ADARB1: variants seen among roughly 807,000 people sequenced by gnomAD.
ADARB1 encodes adenosine deaminase RNA specific B1, also known as double-stranded RNA-specific editase 1.
Under a neutral mutation model 52.4 loss-of-function variants are expected in ADARB1, and 10 were observed. The ratio of observed to expected loss-of-function variants is 0.19; its 90% CI spans 0.12 to 0.32. The LOEUF is 0.32. ADARB1 is among the 10% of genes least tolerant of loss of function. The pLI is 1.00. For synonymous variants in ADARB1, 349 were observed against 371.1 expected, an observed-to-expected ratio of 0.94 and a Z score of 0.68; for missense variants, 643 against 922.3, an observed-to-expected ratio of 0.70 and a Z score of 3.92.
chr21:45,151,051 C>T (rs2090259842), intron 2 of ADARB1, among the ~76,000 whole-genome samples: 1 of 152,164 alleles, frequency 6.6e-6, no homozygotes, highest in South Asian at 2.1e-4. Context: ...TGCAGCCAAC[C>T]AGCAGAACAA....
chr21:45,223,312 G>A lies in ADARB1; in HGVS notation c.*1115G>A, dbSNP rs2092997174. On this transcript the variant is annotated 3_prime_UTR_variant, in exon 11 of 11. Transcript: ENST00000348831. ...GAGCTGGTGAGACCACGTGCTGCTG[G>A]CGTAGTGTAGGCCAGACATTGACAG... The A allele has an allele frequency of 1.0e-6, 1 of 985,366 alleles. No homozygotes were observed. Among genetic ancestry groups the A allele is most frequent in the Non-Finnish European group, 1.2e-6 (1 of 829,954 alleles). 61.0% of individuals were successfully genotyped at this position (985,366 alleles called of 1,614,324 possible). A position where few individuals can be genotyped will look rare whatever the true frequency, so the allele number is the denominator to read the frequency against.
chr21:45,140,197 C>T (rs893422988), intron 2 of ADARB1, among the ~76,000 whole-genome samples: 8 of 152,072 alleles, frequency 5.3e-5, no homozygotes, highest in Admixed American at 5.2e-4. Context: ...CCCACCTCAA[C>T]CCAGCCAAAA....
rs2093042444 is a variant in ADARB1 at position 45,225,218 on chromosome 21, T to C, written c.*3021T>C. On this transcript the variant is annotated 3_prime_UTR_variant, in exon 11 of 11. Transcript: ENST00000348831. ...AGGTGGGGCGGTGTGTTCTGTGCCA[T>C]GAGGCAGCGACAGGTCCAGATGGAT... is the stretch of plus-strand genomic sequence containing the variant. 9.2e-7 allele frequency: 1 copy of C among 1,081,388 alleles called. No homozygotes were observed. The highest frequency in any genetic ancestry group is 1.1e-6 in the Non-Finnish European group (1 of 893,040). 67.0% of individuals were successfully genotyped at this position (1,081,388 alleles called of 1,614,324 possible).
chr21:45,222,613 A>G lies in ADARB1; in HGVS notation c.*416A>G. 1 of 999,944 alleles carries G rather than the reference A, an allele frequency of 1.0e-6. No homozygotes were observed. The highest frequency in any genetic ancestry group is 1.2e-6 in the Non-Finnish European group (1 of 839,896). 61.9% of individuals were successfully genotyped at this position (999,944 alleles called of 1,614,324 possible). A position where few individuals can be genotyped will look rare whatever the true frequency, so the allele number is the denominator to read the frequency against. On this transcript the variant is annotated 3_prime_UTR_variant, in exon 11 of 11. Coordinates refer to ENST00000348831, the MANE Select transcript of ADARB1 (RefSeq NM_001112.4). ...GAATGTGGTTTATAAAATAGGAAGT[A>G]ATTGTGTCAGGTCACTTTTATGCCA...
Position 45,222,153 on chromosome 21 carries a change from G to A in ADARB1, c.2062G>A (p.Val688Met), listed in dbSNP as rs1340839583. The change falls in exon 11 of 11, where the codon GTG (valine) becomes ATG (methionine). Residue 688 changes from valine (V) to methionine (M), a missense_variant. Val to Met is a conservative substitution (Grantham distance 21). Coordinates refer to ENST00000348831, the MANE Select transcript of ADARB1 (RefSeq NM_001112.4). ...CATCAAGGCGGGGCTGGGGGCCTGGGTGGAGAAGCCCACCGAGCAGGACCA... is the reference window on the plus strand; with the variant it reads ...CATCAAGGCGGGGCTGGGGGCCTGGATGGAGAAGCCCACCGAGCAGGACCA... ...AFIKAGLGAW[V>M]EKPTEQDQFS... The A allele has an allele frequency of 1.9e-6, 3 of 1,606,746 alleles. No homozygotes were observed. The highest frequency in any genetic ancestry group is 1.1e-5 in the South Asian group (1 of 89,994).
intron 8 of ADARB1, among the ~76,000 whole-genome samples, chr21:45,198,518 C>CAT (rs2092477519): frequency 1.3e-5 from 2 of 151,510 alleles, no homozygotes; most frequent in South Asian, 4.2e-4. Context: ...CACACACACA[C>CAT]ACATACACAC....
rs773715521 is a variant in ADARB1, at chr21:45,222,757, G to A, written c.*560G>A. ...GTCTAAACTTAGGTCTCTTTTCTCC[G>A]TAGGTACCTCCCTGGGTAGTTCCAC... is the stretch of plus-strand genomic sequence containing the variant. On this transcript the variant is annotated 3_prime_UTR_variant, in exon 11 of 11. Coordinates refer to ENST00000348831, the MANE Select transcript of ADARB1 (RefSeq NM_001112.4). 556 of 985,884 alleles carry A rather than the reference G, an allele frequency of 5.6e-4. No individual in the cohort carries two copies. Among genetic ancestry groups the A allele is most frequent in the Non-Finnish European group, 6.4e-4 (532 of 830,408 alleles). The allele number at this position is 985,884 out of a possible 1,614,324, so 61.1% of individuals were successfully genotyped here. A position where few individuals can be genotyped will look rare whatever the true frequency, so the allele number is the denominator to read the frequency against.
intron 9 of ADARB1, among the ~76,000 whole-genome samples, chr21:45,206,924 CT>C (rs774748319): frequency 3.9e-5 from 6 of 152,196 alleles, no homozygotes; most frequent in Non-Finnish European, 7.3e-5. Context: ...AACCCCTCCC[CT>C]GGTCCCCGCT....
Position 45,204,330 on chromosome 21 carries a change from G to A in ADARB1, c.1566-225G>A, listed in dbSNP as rs116051069. Among the ~76,000 whole-genome samples, 5 of 152,304 alleles carry A rather than the reference G, an allele frequency of 3.3e-5. No homozygotes were observed. Among genetic ancestry groups the A allele is most frequent in the South Asian group, 2.1e-4 (1 of 4,826 alleles). On this transcript the variant is annotated intron_variant, in intron 8 of 10. Coordinates refer to ENST00000348831, the MANE Select transcript of ADARB1 (RefSeq NM_001112.4). The surrounding 1 kb of genome is among the most constrained non-coding windows in gnomAD (Gnocchi z 4.4). ...TGTGGCTCATTGATTGTGGGAAAAC[G>A]TAATGGTAAAAACAAACACAGTGTA... is the stretch of plus-strand genomic sequence containing the variant.
intron 2 of ADARB1, among the ~76,000 whole-genome samples, chr21:45,156,675 G>A (rs941338027): frequency 1.3e-5 from 2 of 151,626 alleles, no homozygotes; most frequent in Non-Finnish European, 2.9e-5. Context: ...ACCCCCCCAC[G>A]CACCCACTTC....
chr21:45,078,929 A>G (rs546005207), intron 1 of ADARB1, among the ~76,000 whole-genome samples: 3 of 152,212 alleles, frequency 2.0e-5, no homozygotes, highest in South Asian at 2.1e-4. Context: ...TACAGGGGGG[A>G]ATACCTAGGC....
intron 8 of ADARB1, among the ~76,000 whole-genome samples, chr21:45,190,919 G>C (rs2092264282): frequency 6.6e-6 from 1 of 152,218 alleles, no homozygotes; most frequent in Non-Finnish European, 1.5e-5. Context: ...GCTATTTAGG[G>C]AAAGGGGAAC....
rs767179075 is a variant in ADARB1 at position 45,178,595 on chromosome 21, A to C, written c.964-1735A>C. 7.2e-4 allele frequency among the ~76,000 whole-genome samples: 110 copies of C among 152,240 alleles called. No individual in the cohort carries two copies. The Middle Eastern group carries it at 0.014, about 19-fold the overall frequency. On this transcript the variant is annotated intron_variant, in intron 4 of 10. Transcript: ENST00000348831. ...TTGTTGGTGGGCTCTATTGTCCTTC[A>C]ACAGGAAATTTCCAAATGTGCATTC...
intron 1 of ADARB1, among the ~76,000 whole-genome samples, chr21:45,124,178 G>A (rs541500707): frequency 6.6e-6 from 1 of 152,258 alleles, no homozygotes; most frequent in South Asian, 2.1e-4. Context: ...ATCACATTTT[G>A]TATACGATGT....
chr21:45,107,681 C>G (rs1296381761), intron 1 of ADARB1, among the ~76,000 whole-genome samples: 2 of 152,064 alleles, frequency 1.3e-5, no homozygotes, highest in Non-Finnish European at 2.9e-5. Context: ...ACACCACATG[C>G]AAAAATAGGC....
chr21:45,122,418 A>G (rs1269780734), intron 1 of ADARB1, among the ~76,000 whole-genome samples: 1 of 152,226 alleles, frequency 6.6e-6, no homozygotes, highest in Non-Finnish European at 1.5e-5. Flanking sequence ...CCCTCTTTTC[A>G]TAGCATTGCT....
At chr21:45,170,159 C>G (rs1309050559) in intron 2 of ADARB1, among the ~76,000 whole-genome samples, 1 of 152,256 alleles carries the variant, frequency 6.6e-6, no homozygotes, top group Non-Finnish European at 1.5e-5. Context: ...TTTGTCTACA[C>G]TCATCTATGT....
chr21:45,199,491 A>G (rs1182800318), intron 8 of ADARB1, among the ~76,000 whole-genome samples: 1 of 152,220 alleles, frequency 6.6e-6, no homozygotes, highest in Non-Finnish European at 1.5e-5. Flanking sequence ...TGGTGCTCGC[A>G]GAAGACATGG....
intron 1 of ADARB1, among the ~76,000 whole-genome samples, chr21:45,102,622 C>CTG (rs1409614505): frequency 6.6e-6 from 1 of 152,202 alleles, no homozygotes. Context: ...CAGGAGCCAA[C>CTG]TGAAAGAGCT....
Sources: allele counts gnomAD v4.1 joint callset (sites outside exome capture counted in the v4.1 genomes callset), GRCh38; gene constraint gnomAD v4.1.1; non-coding constraint Gnocchi (gnomAD v3.1); transcripts MANE v1.5; gene names NCBI Gene and HGNC (gene_info 2026-07-23, HGNC 2026-07-21).